Variants in ATP7A observed in about 807,000 individuals in gnomAD.
ATP7A encodes copper-transporting ATPase 1.
A neutral mutation model predicts 83.5 loss-of-function variants in ATP7A; 7 were observed. The ratio of observed to expected loss-of-function variants is 0.08; its 90% CI spans 0.05 to 0.16. The LOEUF (loss-of-function observed/expected upper bound fraction) is 0.16. Ranked by LOEUF, ATP7A falls within the 10% of genes least tolerant of loss-of-function variation. ATP7A has a pLI of 1.00. For missense variants in ATP7A, 940 were observed against 1,120.8 expected (o/e 0.84, Z 2.30); for synonymous variants, 354 against 395.2 (o/e 0.90, Z 1.24).
chrX:78,038,855 G>T lies in ATP7A; in HGVS notation c.3531G>T (p.Gln1177His), dbSNP rs782536975. The change falls in exon 18 of 23, where the codon CAG becomes CAT. Residue 1177 changes from glutamine to histidine, a missense_variant. Gln to His is a conservative substitution (Grantham distance 24). Coordinates refer to ENST00000341514, the MANE Select transcript of ATP7A (RefSeq NM_000052.7). ...TTTCAGATGCTCTTAATGCTCAGCA[G>T]TATAAAGTCCTCATTGGTAACCGGG... is the stretch of plus-strand genomic sequence containing the variant. ...AQISNALNAQ[Q>H]YKVLIGNREW... is the part of the protein sequence containing the mutation. 9.1e-6 allele frequency: 11 copies of T among 1,210,594 alleles called. No homozygotes were observed. Among genetic ancestry groups the T allele is most frequent in the Non-Finnish European group, 1.0e-5 (9 of 894,531 alleles).
chrX:77,944,401 A>G (rs1400364803), intron 1 of ATP7A, among the ~76,000 whole-genome samples: 1 of 111,456 alleles, frequency 9.0e-6, no homozygotes, highest in Non-Finnish European at 1.9e-5. Flanking sequence ...CCCAACTGGT[A>G]GACTTTAGCA....
At chrX:77,994,606 C>T (rs1283440490) in intron 4 of ATP7A, among the ~76,000 whole-genome samples, 1 of 110,680 alleles carries the variant, frequency 9.0e-6, no homozygotes, top group Non-Finnish European at 1.9e-5. Context: ...GTGGCACGAT[C>T]ACAGCTCACT....
intron 1 of ATP7A, chrX:77,924,387 A>G (rs2077230999): frequency 8.9e-6 from 1 of 111,769 alleles, no homozygotes. Context: ...TTTCATAGCC[A>G]TCAATATTTG....
At chrX:77,942,385 A>G (rs923235964) in intron 1 of ATP7A, among the ~76,000 whole-genome samples, 2 of 110,146 alleles carry the variant, frequency 1.8e-5, no homozygotes, top group East Asian at 2.9e-4. Context: ...TCCTAAATCT[A>G]TCCCCAAAGT....
In ATP7A at chrX:77,920,601, G is replaced by A. The variant is rs782721197; in HGVS notation, c.-22+9766G>A. On this transcript the variant is annotated intron_variant, in intron 1 of 22. Coordinates refer to ENST00000341514, the MANE Select transcript of ATP7A (RefSeq NM_000052.7). The stretch of plus-strand genomic sequence containing the variant: ...TCTGCGTTAGTTTGCTTAGGATAAT[G>A]GCCTCCAGCTGATTCCATGTTGCTG... Among the ~76,000 whole-genome samples the A allele has an allele frequency of 2.9e-3, 323 of 110,810 alleles. 4 individuals carry two copies. The highest frequency in any genetic ancestry group is 0.01 in the African/African-American group (313 of 30,456).
intron 14 of ATP7A, among the ~76,000 whole-genome samples, chrX:78,027,079 G>A (rs1455390140): frequency 9.2e-6 from 1 of 108,761 alleles, no homozygotes; most frequent in East Asian, 2.9e-4. Flanking sequence ...GAACCCAGGA[G>A]GTGTAGGTTT....
At position 78,020,916 on chromosome X, in the gene ATP7A, CTTA is replaced by C. The variant is rs781847101; in HGVS notation, c.2782-23_2782-21del. ...AAAAGACTTTGATATGCTTCTTCTT[CTTA>C]TTATTGTTGTTATTTTTAATTCTAG... On this transcript the variant is annotated intron_variant, in intron 13 of 22. Coordinates refer to ENST00000341514, the MANE Select transcript of ATP7A (RefSeq NM_000052.7). 45 of 1,182,372 alleles carry C rather than the reference CTTA, an allele frequency of 3.8e-5. No homozygotes were observed. In the South Asian group the frequency reaches 6.6e-4, roughly 17 times the overall value.
At chrX:78,024,601 C>T (rs2077930099) in intron 14 of ATP7A, among the ~76,000 whole-genome samples, 1 of 111,826 alleles carries the variant, frequency 8.9e-6, no homozygotes, top group Admixed American at 9.5e-5. Context: ...CGAGGCTCAA[C>T]TCCCTCTCCC....
At chrX:77,995,152 T>C (rs2077694273) in intron 4 of ATP7A, among the ~76,000 whole-genome samples, 1 of 111,969 alleles carries the variant, frequency 8.9e-6, no homozygotes, top group Non-Finnish European at 1.9e-5. Flanking sequence ...TTTTTAAGTG[T>C]AAGTGTCAGT....
chrX:78,008,349 C>T (rs1177107932), intron 6 of ATP7A, among the ~76,000 whole-genome samples: 1 of 111,809 alleles, frequency 8.9e-6, no homozygotes, highest in Non-Finnish European at 1.9e-5. Context: ...CTGAGCTCCT[C>T]ACGCAGTCAT....
intron 4 of ATP7A, among the ~76,000 whole-genome samples, chrX:77,996,408 A>G (rs1448139061): frequency 4.4e-5 from 5 of 112,410 alleles, no homozygotes; most frequent in African/African-American, 6.5e-5. Context: ...CCTCAAGTGC[A>G]GGAAAATCAA....
At chrX:77,932,775 C>T (rs782471993) in intron 1 of ATP7A, among the ~76,000 whole-genome samples, 21 of 112,631 alleles carry the variant, frequency 1.9e-4, no homozygotes, top group Non-Finnish European at 3.2e-4. Context: ...TGTGGCAGCG[C>T]GCGCCTGCAA....
intron 12 of ATP7A, among the ~76,000 whole-genome samples, chrX:78,019,362 C>A (rs17139617): frequency 0.27 from 29,570 of 111,365 alleles, 3,058 homozygotes; most frequent in African/African-American, 0.38. Flanking sequence ...CAAAATGATA[C>A]CTTTCCAATC....
At chrX:77,923,045 A>G (rs2077223826) in intron 1 of ATP7A, 1 of 112,360 alleles carries the variant, frequency 8.9e-6, no homozygotes, top group African/African-American at 3.2e-5. Flanking sequence ...TGCTGAAGGT[A>G]TACAACAGTA....
chrX:77,923,665 C>T (rs1386722907), intron 1 of ATP7A: 2 of 107,529 alleles, frequency 1.9e-5, no homozygotes, highest in Non-Finnish European at 3.8e-5. Flanking sequence ...ATATTCATAC[C>T]GCTTTCAAAA....
Position 77,989,780 on chromosome X carries a change from G to T in ATP7A, c.1158G>T (p.Met386Ile). Residue 386 changes from methionine (M) to isoleucine (I), a missense_variant, in exon 4 of 23, where the codon ATG (methionine) becomes ATT (isoleucine). Coordinates refer to ENST00000341514, the MANE Select transcript of ATP7A (RefSeq NM_000052.7). ...TQETVINIDGMTCNSCVQSIE... is the reference protein window; with the variant it reads ...TQETVINIDGITCNSCVQSIE... ...AAACTGTGATAAACATTGATGGCAT[G>T]ACTTGTAATTCCTGTGTGCAGTCTA... The T allele has an allele frequency of 8.3e-7, 1 of 1,211,439 alleles. No homozygotes were observed. The highest frequency in any genetic ancestry group is 1.1e-6 in the Non-Finnish European group (1 of 895,256).
At chrX:77,987,968 G>T (rs1307262254) in intron 2 of ATP7A, among the ~76,000 whole-genome samples, 1 of 111,470 alleles carries the variant, frequency 9.0e-6, no homozygotes, top group East Asian at 2.8e-4. Flanking sequence ...GTACTCTGTT[G>T]TGAAATTCTT....
Position 78,021,093 on chromosome X carries a change from A to G in ATP7A, c.2916+14A>G, listed in dbSNP as rs2149100221. The G allele has an allele frequency of 8.4e-7, 1 of 1,194,900 alleles. No homozygotes were observed. Among genetic ancestry groups the G allele is most frequent in the East Asian group, 3.0e-5 (1 of 33,702 alleles). ...ACCTACTTTCCTGTAAGTGACTTGT[A>G]ATAACTCGTTACTATATGCAGAACA... On this transcript the variant is annotated intron_variant, in intron 14 of 22. Coordinates refer to ENST00000341514, the MANE Select transcript of ATP7A (RefSeq NM_000052.7).
chrX:78,020,798 G>A, intron 13 of ATP7A, 147 bp from the exon 14 acceptor site: 1 of 638,076 alleles, frequency 1.6e-6, no homozygotes, highest in African/African-American at 2.2e-5. Context: ...TGGGATTACA[G>A]GTGTGAGCCA....
Sources: gnomAD v4.1 joint callset for allele counts (sites outside exome capture counted in the v4.1 genomes callset) on GRCh38, gnomAD v4.1.1 for gene constraint, MANE v1.5 for transcripts, NCBI Gene and HGNC (gene_info 2026-07-23, HGNC 2026-07-21) for gene names.